PRELID2: variants seen among roughly 807,000 people sequenced by gnomAD.
PRELID2 encodes PRELI domain containing 2, also known as PRELI domain-containing protein 2.
In PRELID2, 25 loss-of-function variants were observed where a neutral mutation model predicts 28.4. That is an observed-to-expected ratio of 0.88 (90% CI 0.64 to 1.23). The LOEUF (loss-of-function observed/expected upper bound fraction) is 1.23. Ranked by LOEUF, PRELID2 falls within the 50% of genes most tolerant of loss-of-function variation. The probability of loss-of-function intolerance (pLI) is 0.00; values close to 1 mark genes in which losing one functional copy is unlikely to be tolerated. For synonymous variants in PRELID2, 76 were observed against 71.6 expected, an observed-to-expected ratio of 1.06 and a Z score of -0.31; for missense variants, 201 against 214.4, an observed-to-expected ratio of 0.94 and a Z score of 0.39.
chr5:145,585,201 C>G (rs1580985052), intron 1 of PRELID2, among the ~76,000 whole-genome samples: 1 of 152,182 alleles, frequency 6.6e-6, no homozygotes, highest in East Asian at 1.9e-4. Flanking sequence ...AACCAAACAC[C>G]ACATGTTCTC....
intron 1 of PRELID2, among the ~76,000 whole-genome samples, chr5:145,576,317 TG>T (rs1237963694): frequency 1.4e-4 from 21 of 152,268 alleles, no homozygotes; most frequent in African/African-American, 4.6e-4. Flanking sequence ...ATCTGTCTTC[TG>T]TCTCTATGGG....
chr5:145,375,985 G>A, the PRELID2 span, among the ~76,000 whole-genome samples: 1 of 152,170 alleles, frequency 6.6e-6, no homozygotes, highest in East Asian at 1.9e-4. Flanking sequence ...AGTTTTCACT[G>A]GAAATGCTTC....
intron 5 of PRELID2, among the ~76,000 whole-genome samples, chr5:145,769,059 A>G (rs1275835864): frequency 2.0e-5 from 3 of 152,152 alleles, no homozygotes; most frequent in East Asian, 3.9e-4. Context: ...TTAAATCTCA[A>G]CCCCCAGGAG....
At chr5:145,802,931 C>T (rs912092604) in intron 4 of PRELID2, among the ~76,000 whole-genome samples, 18 of 152,268 alleles carry the variant, frequency 1.2e-4, no homozygotes, top group East Asian at 5.8e-4. Context: ...ATCCTCAAAA[C>T]GGCAGTTTCC....
chr5:145,333,912 G>A, the PRELID2 span, among the ~76,000 whole-genome samples: 1 of 152,018 alleles, frequency 6.6e-6, no homozygotes, highest in South Asian at 2.1e-4. Flanking sequence ...TGGTTTTGTA[G>A]GCACCCAAGG....
chr5:145,346,135 T>G, the PRELID2 span, among the ~76,000 whole-genome samples: 1 of 152,156 alleles, frequency 6.6e-6, no homozygotes, highest in Non-Finnish European at 1.5e-5. Flanking sequence ...ATTCTGTTTA[T>G]TCATCTGTGA....
At chr5:145,347,765 G>A in the PRELID2 span, among the ~76,000 whole-genome samples, 2 of 152,054 alleles carry the variant, frequency 1.3e-5, no homozygotes, top group South Asian at 2.1e-4. Context: ...TGTAGTGGTA[G>A]ATAATATAAG....
chr5:145,786,420 G>A (rs967293858), intron 5 of PRELID2, among the ~76,000 whole-genome samples: 5 of 152,118 alleles, frequency 3.3e-5, no homozygotes, highest in South Asian at 2.1e-4. Context: ...TTGCTCTCAC[G>A]CTCACTGCCA....
chr5:145,479,469 C>T (rs1367750958), intron 1 of PRELID2, among the ~76,000 whole-genome samples: 1 of 152,180 alleles, frequency 6.6e-6, no homozygotes, highest in African/African-American at 2.4e-5. Context: ...AGTCCCTGAA[C>T]TTACGGCCCC....
chr5:145,536,623 A>C (rs1030187376), intron 1 of PRELID2, among the ~76,000 whole-genome samples: 1 of 151,886 alleles, frequency 6.6e-6, no homozygotes, highest in African/African-American at 2.4e-5. Context: ...GAAAAGATAC[A>C]ATGTCCCTCC....
intron 1 of PRELID2, among the ~76,000 whole-genome samples, chr5:145,677,333 T>C (rs1247835663): frequency 2.0e-5 from 3 of 152,006 alleles, no homozygotes; most frequent in African/African-American, 7.2e-5. Flanking sequence ...TTTTGTATTT[T>C]TAGTAGAGAC....
chr5:145,407,987 T>C, the PRELID2 span, among the ~76,000 whole-genome samples: 1 of 152,174 alleles, frequency 6.6e-6, no homozygotes, highest in Non-Finnish European at 1.5e-5. Flanking sequence ...TCTGTAGACA[T>C]TCCCCAGCAC....
At chr5:145,335,445 G>T in the PRELID2 span, among the ~76,000 whole-genome samples, 1 of 143,772 alleles carries the variant, frequency 7.0e-6, no homozygotes, top group Admixed American at 6.9e-5. Flanking sequence ...GAAAGTCTTT[G>T]TCAGGTACTT....
intron 5 of PRELID2, 167 bp downstream of exon 5, chr5:145,796,275 G>A (rs1752739384): frequency 4.7e-6 from 2 of 429,916 alleles, no homozygotes; most frequent in South Asian, 9.9e-5. Context: ...GTTTTACTTT[G>A]ATTTGAATTT....
At chr5:145,818,190 G>T in intron 3 of PRELID2, 136 bp from the exon 4 acceptor site, 1 of 872,488 alleles carries the variant, frequency 1.1e-6, no homozygotes, top group Non-Finnish European at 1.7e-6. Flanking sequence ...CTCACCAGTG[G>T]CTGTACGTTT....
At chr5:145,633,611 G>A (rs1397141861) in intron 1 of PRELID2, among the ~76,000 whole-genome samples, 1 of 152,194 alleles carries the variant, frequency 6.6e-6, no homozygotes, top group African/African-American at 2.4e-5. Context: ...GAGTTGGGAA[G>A]CTTTGCATCA....
At chr5:145,373,129 T>C in the PRELID2 span, among the ~76,000 whole-genome samples, 1 of 47,396 alleles carries the variant, frequency 2.1e-5, no homozygotes, top group Non-Finnish European at 3.4e-5. Flanking sequence ...ATATACATGA[T>C]ATATATTACA....
intron 4 of PRELID2, among the ~76,000 whole-genome samples, chr5:145,798,508 C>A (rs1752913091): frequency 6.6e-6 from 1 of 152,176 alleles, no homozygotes. Flanking sequence ...TTTGACCCAG[C>A]CATCCCATTA....
At chr5:145,368,901 T>C in the PRELID2 span, among the ~76,000 whole-genome samples, 1 of 151,778 alleles carries the variant, frequency 6.6e-6, no homozygotes, top group African/African-American at 2.4e-5. Context: ...ACATAGATCA[T>C]TTCATCACCC....
Sources: gnomAD v4.1 joint callset for allele counts (sites outside exome capture counted in the v4.1 genomes callset) on GRCh38, gnomAD v4.1.1 for gene constraint, MANE v1.5 for transcripts, NCBI Gene and HGNC (gene_info 2026-07-23, HGNC 2026-07-21) for gene names.